Variants in RAD51B observed in about 807,000 individuals in gnomAD.
RAD51B encodes DNA repair protein RAD51 homolog 2.
Under a neutral mutation model 42.2 loss-of-function variants are expected in RAD51B, and 38 were observed. The observed-to-expected ratio is 0.90, with a 90% confidence interval of 0.70 to 1.18. The LOEUF (loss-of-function observed/expected upper bound fraction) is 1.18. Ranked by LOEUF, RAD51B falls within the 50% of genes most tolerant of loss-of-function variation. The pLI is 0.00. For missense variants in RAD51B, 373 were observed against 400.7 expected, an observed-to-expected ratio of 0.93 and a Z score of 0.59; for synonymous variants, 154 against 145.2, an observed-to-expected ratio of 1.06 and a Z score of -0.43.
At chr14:67,871,049 A>T (rs1331761928) in intron 5 of RAD51B, among the ~76,000 whole-genome samples, 2 of 152,184 alleles carry the variant, frequency 1.3e-5, no homozygotes, top group Non-Finnish European at 2.9e-5. Flanking sequence ...GAGCAAACAC[A>T]TTCAAAAGCT....
chr14:68,375,204 T>G (rs988571049), intron 8 of RAD51B, among the ~76,000 whole-genome samples: 4 of 152,066 alleles, frequency 2.6e-5, no homozygotes, highest in Non-Finnish European at 5.9e-5. Context: ...TGTCCTTTAA[T>G]CTCTTTGTAT....
At chr14:68,584,722 A>G (rs1378424058) in intron 10 of RAD51B, among the ~76,000 whole-genome samples, 3 of 152,096 alleles carry the variant, frequency 2.0e-5, no homozygotes, top group East Asian at 3.9e-4. Flanking sequence ...CTGCTTTATC[A>G]CCTGTATTGT....
At chr14:67,964,470 GCTGGAGCTGA>G (rs1214557356) in intron 7 of RAD51B, among the ~76,000 whole-genome samples, 1 of 152,180 alleles carries the variant, frequency 6.6e-6, no homozygotes, top group African/African-American at 2.4e-5. Flanking sequence ...TCTTTGCGTT[GCTGGAGCTGA>G]TTTATTTAGT....
intron 11 of RAD51B, among the ~76,000 whole-genome samples, chr14:68,673,514 A>G (rs1212678758): frequency 6.6e-6 from 1 of 151,774 alleles, no homozygotes; most frequent in African/African-American, 2.4e-5. Flanking sequence ...GTATGTACAC[A>G]CATATGTACG....
intron 10 of RAD51B, among the ~76,000 whole-genome samples, chr14:68,470,983 C>T (rs987064789): frequency 6.6e-6 from 1 of 152,216 alleles, no homozygotes; most frequent in Admixed American, 6.5e-5. Flanking sequence ...AAGACACCTG[C>T]ATGATTCCCC....
intron 7 of RAD51B, among the ~76,000 whole-genome samples, chr14:68,206,743 C>G (rs543152873): frequency 6.7e-6 from 1 of 150,292 alleles, no homozygotes; most frequent in East Asian, 1.9e-4. Flanking sequence ...TGTACCTACT[C>G]TGCCTAAGCT....
At chr14:68,088,590 G>A (rs886296237) in intron 7 of RAD51B, among the ~76,000 whole-genome samples, 10 of 145,894 alleles carry the variant, frequency 6.9e-5, no homozygotes, top group African/African-American at 2.3e-4. Flanking sequence ...TTATGGGATC[G>A]TGTGTGTGTG....
At chr14:68,034,284 G>A in intron 7 of RAD51B, among the ~76,000 whole-genome samples, 1 of 150,384 alleles carries the variant, frequency 6.6e-6, no homozygotes, top group East Asian at 1.9e-4. Context: ...TTTTGGTGGT[G>A]GGGTGGGAAC....
chr14:68,462,282 G>A (rs78663180), intron 9 of RAD51B, among the ~76,000 whole-genome samples: 8,122 of 152,230 alleles, frequency 0.053, 691 homozygotes, highest in African/African-American at 0.18. Flanking sequence ...AAAGCCCAAA[G>A]GCTTCCCTGT....
At chr14:68,426,359 AGCC>A (rs1025354341) in intron 9 of RAD51B, among the ~76,000 whole-genome samples, 1 of 151,958 alleles carries the variant, frequency 6.6e-6, no homozygotes, top group Non-Finnish European at 1.5e-5. Flanking sequence ...TACAGGCGTG[AGCC>A]ACCGGGCCTG....
chr14:68,563,767 A>T, intron 10 of RAD51B: 14 of 985,274 alleles, frequency 1.4e-5, no homozygotes, highest in Non-Finnish European at 1.7e-5. Context: ...ATAAACTCTG[A>T]GGCGTAACCT....
chr14:68,315,324 C>G (rs2082034779), intron 8 of RAD51B, among the ~76,000 whole-genome samples: 1 of 152,194 alleles, frequency 6.6e-6, no homozygotes, highest in African/African-American at 2.4e-5. Context: ...AAATACCCAT[C>G]TTTCGTCAGA....
intron 7 of RAD51B, among the ~76,000 whole-genome samples, chr14:67,893,740 G>T (rs931812435): frequency 2.6e-5 from 4 of 152,078 alleles, no homozygotes; most frequent in African/African-American, 9.7e-5. Flanking sequence ...ATGAGTAGAA[G>T]TTGGCTCTGG....
chr14:67,921,613 ACAC>A, intron 7 of RAD51B, among the ~76,000 whole-genome samples: 1 of 149,794 alleles, frequency 6.7e-6, no homozygotes, highest in African/African-American at 2.5e-5. Context: ...ACACACACAC[ACAC>A]ACACACATTT....
At chr14:68,651,127 T>A (rs374485624) in intron 11 of RAD51B, among the ~76,000 whole-genome samples, 9 of 152,346 alleles carry the variant, frequency 5.9e-5, no homozygotes, top group Admixed American at 3.3e-4. Context: ...ATGACTTTTT[T>A]AAGAAAAACT....
chr14:68,574,647 G>A (rs1489651930), intron 10 of RAD51B, among the ~76,000 whole-genome samples: 1 of 152,190 alleles, frequency 6.6e-6, no homozygotes, highest in Non-Finnish European at 1.5e-5. Flanking sequence ...AGGGACCTTG[G>A]GCCAGCGAAG....
intron 7 of RAD51B, among the ~76,000 whole-genome samples, chr14:68,289,713 C>CA (rs34794914): frequency 0.029 from 3,300 of 115,380 alleles, 87 homozygotes; most frequent in East Asian, 0.072. Flanking sequence ...GATCCTGTCT[C>CA]AAAAAAAAAA....
At chr14:68,242,606 T>C (rs1367093742) in intron 7 of RAD51B, among the ~76,000 whole-genome samples, 2 of 152,288 alleles carry the variant, frequency 1.3e-5, no homozygotes, top group Admixed American at 1.3e-4. Context: ...TCATATACTT[T>C]TCAAGTACCT....
intron 10 of RAD51B, chr14:68,470,577 A>C (rs941116455): frequency 2.2e-5 from 11 of 507,862 alleles, no homozygotes; most frequent in Non-Finnish European, 3.5e-5. Flanking sequence ...GTCGCAACCC[A>C]TTGGTGGGTC....
Sources: gnomAD v4.1 joint callset for allele counts (sites outside exome capture counted in the v4.1 genomes callset) on GRCh38, gnomAD v4.1.1 for gene constraint, MANE v1.5 for transcripts, NCBI Gene and HGNC (gene_info 2026-07-23, HGNC 2026-07-21) for gene names.